PIK3C2B: variants seen among roughly 807,000 people sequenced by gnomAD.
The protein encoded by PIK3C2B is phosphatidylinositol 4-phosphate 3-kinase C2 domain-containing subunit beta.
Under a neutral mutation model 184.3 loss-of-function variants are expected in PIK3C2B, and 83 were observed. The ratio of observed to expected loss-of-function variants is 0.45; its 90% CI spans 0.38 to 0.54. The LOEUF is 0.54. PIK3C2B is among the 20% of genes least tolerant of loss of function. The pLI, the probability that PIK3C2B is intolerant of heterozygous loss-of-function variation, is 0.00. For missense variants in PIK3C2B, 1,736 were observed against 2,113.5 expected (o/e 0.82, Z 3.50); for synonymous variants, 779 against 837.6 (o/e 0.93, Z 1.21).
intron 12 of PIK3C2B, 148 bp downstream of exon 12, chr1:204,454,521 C>A: frequency 4.6e-6 from 3 of 645,484 alleles, no homozygotes; most frequent in Non-Finnish European, 7.7e-6. Context: ...AGTGGAGACT[C>A]AAGAGGTTGA....
intron 13 of PIK3C2B, 130 bp from the exon 14 acceptor site, chr1:204,449,426 T>C (rs924576573): frequency 2.8e-6 from 2 of 703,698 alleles, no homozygotes; most frequent in African/African-American, 3.5e-5. Context: ...ATTCTCACCG[T>C]GGACCATAGC....
chr1:204,430,350 CTT>C (rs563387033), intron 28 of PIK3C2B, among the ~76,000 whole-genome samples: 6 of 145,162 alleles, frequency 4.1e-5, no homozygotes, highest in Non-Finnish European at 6.1e-5. Flanking sequence ...TGTAAAAATC[CTT>C]TTTTTTTTTT....
Position 204,469,047 on chromosome 1 carries a change from G to C in PIK3C2B, c.756C>G (p.Ala252=). ...STYDAEMLRD[A]TRGWKEGRGP... is the part of the protein sequence containing the mutation. ...CTCGGCCCTCCTTCCAGCCCCTGGTGGCATCCCGCAACATCTCCGCATCAT... is the reference window on the plus strand; with the variant it reads ...CTCGGCCCTCCTTCCAGCCCCTGGTCGCATCCCGCAACATCTCCGCATCAT... Residue 252 remains alanine (A), a synonymous_variant, in exon 2 of 33, where the codon GCC becomes GCG. Transcript: ENST00000684373. 6.2e-7 allele frequency: 1 copy of C among 1,614,186 alleles called. No homozygotes were observed. Among genetic ancestry groups the C allele is most frequent in the Non-Finnish European group, 8.5e-7 (1 of 1,180,038 alleles).
At position 204,470,069 on chromosome 1, in the gene PIK3C2B, A is replaced by G. The variant is rs950820046; in HGVS notation, c.-84-183T>C. 6.6e-5 allele frequency among the ~76,000 whole-genome samples: 10 copies of G among 152,140 alleles called. No individual in the cohort carries two copies. The South Asian group carries it at 2.1e-3, about 32-fold the overall frequency. ...CAAGACAACTTTACCTATTTATTAT[A>G]TCCAACTATCCATCCATTCATCTCT... On this transcript the variant is annotated intron_variant, in intron 1 of 32. Transcript: ENST00000684373.
In PIK3C2B at chr1:204,464,115, A is replaced by G. The variant is rs1655555550; in HGVS notation, c.1207T>C (p.Leu403=). Residue 403 remains leucine (L), a synonymous_variant, in exon 5 of 33, where the codon TTG becomes CTG. Coordinates refer to ENST00000684373, the MANE Select transcript of PIK3C2B (RefSeq NM_001377334.1). ...TAGCACAGGGTCTGGTAGATAAGCAAGTCTACAGTGGAGGAACCTGTGAAG... is the reference window on the plus strand; with the variant it reads ...TAGCACAGGGTCTGGTAGATAAGCAGGTCTACAGTGGAGGAACCTGTGAAG... ...FTCNCSSTVD[L]LIYQTLCYTH... is the part of the protein sequence containing the mutation. 2 of 1,614,114 alleles carry G rather than the reference A, an allele frequency of 1.2e-6. No homozygotes were observed. The highest frequency in any genetic ancestry group is 1.7e-6 in the Non-Finnish European group (2 of 1,179,986).
rs375172189 is a variant in PIK3C2B at position 204,474,420 on chromosome 1, C to T, written c.-84-4534G>A. Among the ~76,000 whole-genome samples the T allele has an allele frequency of 2.6e-5, 4 of 152,274 alleles. No homozygotes were observed. The East Asian group carries it at 5.8e-4, about 22-fold the overall frequency. Reference sequence around the variant, plus strand: ...TTAACTCATTGTAATCTGGTGTCTGCCCCCCACATCCCACTAAAACTGCTC... The same window carrying T: ...TTAACTCATTGTAATCTGGTGTCTGTCCCCCACATCCCACTAAAACTGCTC... On this transcript the variant is annotated intron_variant, in intron 1 of 32. Coordinates refer to ENST00000684373, the MANE Select transcript of PIK3C2B (RefSeq NM_001377334.1).
chr1:204,442,855 G>A (rs965805318), intron 19 of PIK3C2B, among the ~76,000 whole-genome samples: 2 of 152,252 alleles, frequency 1.3e-5, no homozygotes, highest in African/African-American at 4.8e-5. Context: ...GGAGCAGATG[G>A]CAGAACAGCA....
chr1:204,454,353 G>A (rs1474930740), intron 12 of PIK3C2B, among the ~76,000 whole-genome samples: 2 of 151,854 alleles, frequency 1.3e-5, no homozygotes, highest in African/African-American at 4.8e-5. Flanking sequence ...GTGGTGGCGG[G>A]CGCCTGTAGT....
intron 19 of PIK3C2B, among the ~76,000 whole-genome samples, 176 bp downstream of exon 19, chr1:204,443,241 C>T (rs1489347122): frequency 2.0e-5 from 3 of 152,248 alleles, no homozygotes; most frequent in Non-Finnish European, 2.9e-5. Flanking sequence ...AACACATCCA[C>T]GGGCTGTATC....
chr1:204,427,246 G>A (rs780775130), intron 31 of PIK3C2B, among the ~76,000 whole-genome samples: 3 of 152,126 alleles, frequency 2.0e-5, no homozygotes, highest in African/African-American at 4.8e-5. Context: ...AGGATGTCAC[G>A]TGGCTGCTCA....
chr1:204,434,587 A>C lies in PIK3C2B; in HGVS notation c.3538T>G (p.Ser1180Ala). ...YEKAVENFIYSCAGCCVATYV... is the reference protein window; with the variant it reads ...YEKAVENFIYACAGCCVATYV... ...GTGGCCACGCAGCAGCCAGCGCAGG[A>C]GTAGATAAAGTTCTCCACAGCCTGG... Residue 1180 changes from serine (S) to alanine (A), a missense_variant, in exon 24 of 33, where the codon TCC (serine) becomes GCC (alanine). Transcript: ENST00000684373. The C allele has an allele frequency of 6.2e-7, 1 of 1,613,758 alleles. No homozygotes were observed. The highest frequency in any genetic ancestry group is 8.5e-7 in the Non-Finnish European group (1 of 1,179,648).
intron 4 of PIK3C2B, 148 bp downstream of exon 4, chr1:204,464,302 G>A: frequency 9.5e-7 from 1 of 1,051,150 alleles, no homozygotes; most frequent in Non-Finnish European, 1.4e-6. Flanking sequence ...CTAGAATGCT[G>A]GCCCCATAGC....
At chr1:204,428,310 T>C (rs917282380) in intron 29 of PIK3C2B, 90 bp from the exon 30 acceptor site, 4 of 759,496 alleles carry the variant, frequency 5.3e-6, no homozygotes, top group East Asian at 5.3e-5. Flanking sequence ...TAAAAAGACT[T>C]AGGAAATATA....
rs1043901118 is a variant in PIK3C2B, at chr1:204,427,731, C to T, written c.4504G>A (p.Gly1502Arg). ...AGCTTCACCTCCCCTCCCACCTTTC[C>T]GACGGGCCGGGCCCATGTGCCATCT... ...SSDGTWARPV[G>R]KVGGEVKLSI... is the part of the protein sequence containing the mutation. The change falls in exon 31 of 33, where the codon GGA becomes AGA. Residue 1502 changes from glycine to arginine, a missense_variant. Transcript: ENST00000684373. The T allele has an allele frequency of 9.9e-6, 16 of 1,613,940 alleles. No homozygotes were observed. Among genetic ancestry groups the T allele is most frequent in the African/African-American group, 1.3e-5 (1 of 75,048 alleles).
rs995368182 is a variant in PIK3C2B at position 204,449,071 on chromosome 1, G to A, written c.2346+114C>T. 9 of 742,278 alleles carry A rather than the reference G, an allele frequency of 1.2e-5. No homozygotes were observed. The African/African-American group carries it at 1.2e-4, about 10-fold the overall frequency. The allele number at this position is 742,278 out of a possible 1,614,324, so 46.0% of individuals were successfully genotyped here. On this transcript the variant is annotated intron_variant, in intron 14 of 32. Transcript: ENST00000684373. ...TGCTTCAGTCACATCATCCTCCCATGCTTGAAGTTCTAGCACTCTCTCCTG... is the reference window on the plus strand; with the variant it reads ...TGCTTCAGTCACATCATCCTCCCATACTTGAAGTTCTAGCACTCTCTCCTG...
rs777880541 is a variant in PIK3C2B, at chr1:204,428,111, C to T, written c.4480+28G>A. Reference sequence around the variant, plus strand: ...CCTTGGGGTAGTTCAGAGGAGTTGGCAGTAAGGTCTCAGAGAAGATACTGT... The same window carrying T: ...CCTTGGGGTAGTTCAGAGGAGTTGGTAGTAAGGTCTCAGAGAAGATACTGT... On this transcript the variant is annotated intron_variant, in intron 30 of 32. Transcript: ENST00000684373. 1.7e-5 allele frequency: 24 copies of T among 1,373,418 alleles called. No individual in the cohort carries two copies. The South Asian group carries it at 1.9e-4, about 11-fold the overall frequency. The allele number at this position is 1,373,418 out of a possible 1,614,324, so 85.1% of individuals were successfully genotyped here.
rs373269773 is a variant in PIK3C2B at position 204,434,582 on chromosome 1, G to A, written c.3543C>T (p.Cys1181=). ...CGTACGTGGCCACGCAGCAGCCAGC[G>A]CAGGAGTAGATAAAGTTCTCCACAG... The part of the protein sequence containing the change: ...EKAVENFIYS[C]AGCCVATYVL... Residue 1181 remains cysteine, a synonymous_variant, in exon 24 of 33, where the codon TGC becomes TGT. Transcript: ENST00000684373. The A allele has an allele frequency of 2.7e-5, 44 of 1,613,864 alleles. No individual in the cohort carries two copies. The highest frequency in any genetic ancestry group is 1.7e-4 in the Admixed American group (10 of 59,994).
rs1174639559 is a variant in PIK3C2B, at chr1:204,444,254, T to C, written c.2772+77A>G. ...TTATTGCACTGGGATCTCTGGTTTC[T>C]AAGGGGCAGAATGCAGACTCACTTG... On this transcript the variant is annotated intron_variant, in intron 17 of 32. Transcript: ENST00000684373. The C allele has an allele frequency of 8.9e-6, 13 of 1,466,694 alleles. No individual in the cohort carries two copies. The Admixed American group carries it at 2.2e-4, about 25-fold the overall frequency. 90.9% of individuals were successfully genotyped at this position (1,466,694 alleles called of 1,614,324 possible).
intron 12 of PIK3C2B, among the ~76,000 whole-genome samples, chr1:204,452,543 G>T (rs1354503972): frequency 2.0e-5 from 3 of 150,852 alleles, no homozygotes; most frequent in Non-Finnish European, 3.0e-5. Flanking sequence ...AATCCCAAGG[G>T]AATGGTGGAA....
Sources: gnomAD v4.1 joint callset for allele counts (sites outside exome capture counted in the v4.1 genomes callset) on GRCh38, gnomAD v4.1.1 for gene constraint, MANE v1.5 for transcripts, NCBI Gene and HGNC (gene_info 2026-07-23, HGNC 2026-07-21) for gene names.